WDR72: variants seen among roughly 807,000 people sequenced by gnomAD.
WDR72 encodes the protein WD repeat domain 72.
Under a neutral mutation model 124.2 loss-of-function variants are expected in WDR72, and 120 were observed. The ratio of observed to expected loss-of-function variants is 0.97; its 90% CI spans 0.83 to 1.12. The LOEUF is 1.12. WDR72 is among the 50% of genes most tolerant of loss of function. The probability of loss-of-function intolerance (pLI) is 0.00; values close to 1 mark genes in which losing one functional copy is unlikely to be tolerated. For synonymous variants in WDR72, 452 were observed against 441.7 expected, an observed-to-expected ratio of 1.02 and a Z score of -0.29; for missense variants, 1,387 against 1,278.8, an observed-to-expected ratio of 1.08 and a Z score of -1.29.
intron 18 of WDR72, among the ~76,000 whole-genome samples, chr15:53,594,343 T>A (rs115958431): frequency 6.0e-5 from 9 of 149,140 alleles, no homozygotes; most frequent in African/African-American, 2.2e-4. Flanking sequence ...GGACAGGAGC[T>A]CATAGAGGAC....
chr15:53,693,774 C>G (rs1268297755), intron 13 of WDR72, among the ~76,000 whole-genome samples: 2 of 152,294 alleles, frequency 1.3e-5, no homozygotes, highest in Non-Finnish European at 2.9e-5. Context: ...TGAAACGTAT[C>G]TTCTTCCTTA....
At chr15:53,714,557 T>C in intron 5 of WDR72, 47 bp from the exon 6 acceptor site, 2 of 1,441,238 alleles carry the variant, frequency 1.4e-6, no homozygotes, top group African/African-American at 1.4e-5. Flanking sequence ...TGGATATAAT[T>C]GGGTAGGTAA....
At chr15:53,533,189 G>T (rs888408466) in intron 18 of WDR72, among the ~76,000 whole-genome samples, 8 of 152,092 alleles carry the variant, frequency 5.3e-5, no homozygotes, top group Non-Finnish European at 1.2e-4. Context: ...GAATTGAAGA[G>T]GCCATCCAAA....
intron 18 of WDR72, among the ~76,000 whole-genome samples, chr15:53,585,542 A>C (rs559768794): frequency 3.3e-5 from 5 of 152,040 alleles, no homozygotes; most frequent in Non-Finnish European, 7.4e-5. Context: ...TGATGCCCCC[A>C]TGCATATAAT....
At chr15:53,738,169 T>C (rs2018409912) in intron 1 of WDR72, among the ~76,000 whole-genome samples, 1 of 152,132 alleles carries the variant, frequency 6.6e-6, no homozygotes, top group African/African-American at 2.4e-5. Context: ...ATTTGCCAAA[T>C]GTAGGTTTTG....
chr15:53,533,017 A>G (rs1441107643), intron 18 of WDR72, among the ~76,000 whole-genome samples: 2 of 152,166 alleles, frequency 1.3e-5, no homozygotes, highest in Non-Finnish European at 2.9e-5. Flanking sequence ...CATTGTGTCA[A>G]TGTAAAAATG....
intron 14 of WDR72, among the ~76,000 whole-genome samples, chr15:53,621,620 T>C (rs1280186811): frequency 1.3e-5 from 2 of 151,428 alleles, no homozygotes; most frequent in Non-Finnish European, 2.9e-5. Flanking sequence ...AATGACACAA[T>C]AAACTTTGGG....
chr15:53,565,046 GA>G (rs1002532318), intron 18 of WDR72, among the ~76,000 whole-genome samples: 1 of 151,672 alleles, frequency 6.6e-6, no homozygotes, highest in Non-Finnish European at 1.5e-5. Flanking sequence ...AGGTATACAG[GA>G]AAAAAACACT....
chr15:53,529,347 C>G lies in WDR72; in HGVS notation c.3149-6025G>C, dbSNP rs527450081. ...ACCTTGGGCATGCCGTTTCACTTCC[C>G]TAAACTCAGGTTCTTTCCTTTATAA... On this transcript the variant is annotated intron_variant, in intron 18 of 19. Coordinates refer to ENST00000360509, the MANE Select transcript of WDR72 (RefSeq NM_182758.4). Among the ~76,000 whole-genome samples, 3 of 151,804 alleles carry G rather than the reference C, an allele frequency of 2.0e-5. No homozygotes were observed. The East Asian group carries it at 5.8e-4, about 30-fold the overall frequency.
At chr15:53,750,378 A>ATT (rs2018744985) in intron 1 of WDR72, among the ~76,000 whole-genome samples, 1 of 152,162 alleles carries the variant, frequency 6.6e-6, no homozygotes, top group Non-Finnish European at 1.5e-5. Flanking sequence ...TATTGTTGAG[A>ATT]TCTACTGCTC....
At chr15:53,566,664 C>T (rs1894307789) in intron 18 of WDR72, among the ~76,000 whole-genome samples, 1 of 151,682 alleles carries the variant, frequency 6.6e-6, no homozygotes, top group South Asian at 2.1e-4. Context: ...ATGAGGAGAA[C>T]ATGAAAGAGG....
intron 14 of WDR72, among the ~76,000 whole-genome samples, chr15:53,645,392 C>T (rs1177794107): frequency 6.6e-6 from 1 of 152,136 alleles, no homozygotes; most frequent in Admixed American, 6.6e-5. Flanking sequence ...TAATCTGACT[C>T]TGGCTAATGG....
chr15:53,685,248 C>T (rs377018634), intron 13 of WDR72, among the ~76,000 whole-genome samples: 2,064 of 140,126 alleles, frequency 0.015, 44 homozygotes, highest in African/African-American at 0.054. Flanking sequence ...AGGCTTCAGA[C>T]GATCAAATTA....
At chr15:53,704,872 T>A in intron 11 of WDR72, 116 bp downstream of exon 11, 1 of 1,138,144 alleles carries the variant, frequency 8.8e-7, no homozygotes, top group Non-Finnish European at 1.2e-6. Context: ...AATATGTACA[T>A]ATTTATCAGC....
chr15:53,582,016 G>C lies in WDR72; in HGVS notation c.3148+15063C>G, dbSNP rs556297734. ...GTGAGACTATATTCAATGCAACTCT[G>C]AAGGGAAACCTGCCAATTGTAATAT... On this transcript the variant is annotated intron_variant, in intron 18 of 19. Coordinates refer to ENST00000360509, the MANE Select transcript of WDR72 (RefSeq NM_182758.4). 5.3e-5 allele frequency among the ~76,000 whole-genome samples: 8 copies of C among 152,050 alleles called. No homozygotes were observed. The East Asian group carries it at 1.6e-3, about 30-fold the overall frequency.
At chr15:53,647,689 C>T (rs191707450) in intron 14 of WDR72, among the ~76,000 whole-genome samples, 7 of 152,208 alleles carry the variant, frequency 4.6e-5, no homozygotes, top group African/African-American at 1.4e-4. Flanking sequence ...CCCCTTCTGA[C>T]CCCAGGTTGG....
At chr15:53,594,317 T>G (rs931499050) in intron 18 of WDR72, among the ~76,000 whole-genome samples, 1 of 149,834 alleles carries the variant, frequency 6.7e-6, no homozygotes, top group African/African-American at 2.4e-5. Flanking sequence ...AAAAAGAAAT[T>G]AAGAAACGAG....
At chr15:53,747,935 A>G (rs927010424) in intron 1 of WDR72, among the ~76,000 whole-genome samples, 1 of 152,008 alleles carries the variant, frequency 6.6e-6, no homozygotes, top group African/African-American at 2.4e-5. Context: ...AGAAGTGGAT[A>G]TGTATTTAGC....
chr15:53,615,700 C>T lies in WDR72; in HGVS notation c.2506G>A (p.Glu836Lys), dbSNP rs1566985748. 2 of 1,612,192 alleles carry T rather than the reference C, an allele frequency of 1.2e-6. No individual in the cohort carries two copies. The highest frequency in any genetic ancestry group is 8.5e-7 in the Non-Finnish European group (1 of 1,179,176). Reference protein sequence around the residue: ...GPISLGISLNEDNFSLMLPGW... With the variant: ...GPISLGISLNKDNFSLMLPGW... ...GGCAACATCAGTGAGAAATTATCTT[C>T]ATTCAAAGAAATTCCCAAAGAAATA... The change falls in exon 15 of 20, where the codon GAA becomes AAA. Residue 836 changes from glutamate to lysine, a missense_variant. Glu to Lys is a moderately conservative substitution (Grantham distance 56, BLOSUM62 1). Transcript: ENST00000360509.
Sources: gnomAD v4.1 joint callset for allele counts (sites outside exome capture counted in the v4.1 genomes callset) on GRCh38, gnomAD v4.1.1 for gene constraint, MANE v1.5 for transcripts, NCBI Gene and HGNC (gene_info 2026-07-23, HGNC 2026-07-21) for gene names.